ABCA4: variants seen among roughly 807,000 people sequenced by gnomAD.
ABCA4 encodes the protein ATP binding cassette subfamily A member 4.
A neutral mutation model predicts 263.7 loss-of-function variants in ABCA4; 196 were observed. That is an observed-to-expected ratio of 0.74 (90% CI 0.66 to 0.84). The LOEUF (loss-of-function observed/expected upper bound fraction) is 0.84. Among genes scored for constraint, ABCA4 ranks in the 40% least tolerant of loss-of-function variants. The pLI, the probability that ABCA4 is intolerant of heterozygous loss-of-function variation, is 0.00. For missense variants in ABCA4, 2,792 were observed against 2,855.1 expected, an observed-to-expected ratio of 0.98 and a Z score of 0.50; for synonymous variants, 1,133 against 1,094.2, an observed-to-expected ratio of 1.04 and a Z score of -0.70.
intron 47 of ABCA4, 133 bp downstream of exon 47, chr1:94,000,703 G>T: frequency 1.1e-6 from 1 of 925,180 alleles, no homozygotes; most frequent in Non-Finnish European, 1.8e-6. Context: ...GCTGGAGAAT[G>T]AGGCCCAGCC....
At chr1:94,104,226 A>G (rs956147686) in intron 4 of ABCA4, among the ~76,000 whole-genome samples, 2 of 152,206 alleles carry the variant, frequency 1.3e-5, no homozygotes, top group Admixed American at 1.3e-4. Flanking sequence ...GAAGAGCCTT[A>G]TGGGCCTGGA....
intron 6 of ABCA4, among the ~76,000 whole-genome samples, chr1:94,090,264 C>T (rs1302025990): frequency 1.3e-5 from 2 of 151,740 alleles, no homozygotes; most frequent in African/African-American, 4.8e-5. Flanking sequence ...CTAAATTTAA[C>T]AATGAAGTTG....
At chr1:94,086,470 A>C (rs1661830180) in intron 6 of ABCA4, among the ~76,000 whole-genome samples, 1 of 152,222 alleles carries the variant, frequency 6.6e-6, no homozygotes. Flanking sequence ...CTGAAAATTC[A>C]TAATCACTCA....
chr1:94,008,160 G>C, intron 42 of ABCA4, 75 bp downstream of exon 42: 1 of 1,366,440 alleles, frequency 7.3e-7, no homozygotes, highest in South Asian at 1.2e-5. Flanking sequence ...GAATAGCTCT[G>C]CCTTATGGGG....
At chr1:93,999,197 C>T (rs1330148984) in intron 47 of ABCA4, among the ~76,000 whole-genome samples, 2 of 151,514 alleles carry the variant, frequency 1.3e-5, no homozygotes, top group Non-Finnish European at 2.9e-5. Flanking sequence ...AGGTGCATAC[C>T]ACCATGCCCA....
chr1:94,021,169 A>C, intron 35 of ABCA4, 71 bp downstream of exon 35: 5 of 1,603,402 alleles, frequency 3.1e-6, no homozygotes, highest in Non-Finnish European at 4.3e-6. Context: ...GGTGGTGAGA[A>C]TCCTCTCAGG....
chr1:94,065,934 G>A (rs2101083248), intron 11 of ABCA4, among the ~76,000 whole-genome samples: 1 of 152,286 alleles, frequency 6.6e-6, no homozygotes, highest in Admixed American at 6.5e-5. Context: ...TAGAGCTAAG[G>A]GAAATGGAGA....
intron 6 of ABCA4, among the ~76,000 whole-genome samples, chr1:94,091,337 T>A (rs1202458164): frequency 6.6e-6 from 1 of 152,146 alleles, no homozygotes; most frequent in Non-Finnish European, 1.5e-5. Context: ...GAATACTGCC[T>A]AGTCCCGAGG....
chr1:94,095,286 G>C (rs1662093436), intron 6 of ABCA4, among the ~76,000 whole-genome samples: 3 of 151,242 alleles, frequency 2.0e-5, no homozygotes, highest in Admixed American at 2.0e-4. Context: ...TAACCCCAGC[G>C]CCCCCCTCCG....
chr1:94,046,832 A>G (rs1660697786), intron 19 of ABCA4, 87 bp downstream of exon 19: 1 of 1,523,524 alleles, frequency 6.6e-7, no homozygotes, highest in Non-Finnish European at 9.0e-7. Flanking sequence ...AATTTGTGGG[A>G]AAGAGTAGAC....
intron 11 of ABCA4, among the ~76,000 whole-genome samples, chr1:94,067,958 T>A (rs1245280371): frequency 6.6e-6 from 1 of 152,252 alleles, no homozygotes; most frequent in Non-Finnish European, 1.5e-5. Context: ...ACCATTTTTA[T>A]GACTGTTTTT....
chr1:94,003,759 G>A (rs1010905504), intron 44 of ABCA4, among the ~76,000 whole-genome samples: 1 of 152,042 alleles, frequency 6.6e-6, no homozygotes, highest in Non-Finnish European at 1.5e-5. Flanking sequence ...TCAGCCACCT[G>A]AGTAGCTGGG....
intron 6 of ABCA4, among the ~76,000 whole-genome samples, chr1:94,089,604 C>T (rs1179071545): frequency 1.3e-5 from 2 of 152,012 alleles, no homozygotes; most frequent in Non-Finnish European, 2.9e-5. Context: ...GCTGGGACTA[C>T]AGGTGCCCAC....
chr1:94,036,555 T>G (rs1268970180), intron 26 of ABCA4, among the ~76,000 whole-genome samples, 185 bp downstream of exon 26: 1 of 152,038 alleles, frequency 6.6e-6, no homozygotes, highest in Admixed American at 6.6e-5. Flanking sequence ...TTTTGTATTT[T>G]TAGTACAGAT....
At chr1:94,056,507 G>A in intron 15 of ABCA4, 94 bp downstream of exon 15, 2 of 1,343,788 alleles carry the variant, frequency 1.5e-6, no homozygotes, top group South Asian at 1.2e-5. Context: ...AAGGCAAAGT[G>A]GACCCCCTCA....
chr1:94,049,101 G>C lies in ABCA4; in HGVS notation c.2654-144C>G, dbSNP rs1660767366. The C allele has an allele frequency of 5.4e-6, 4 of 736,960 alleles. No homozygotes were observed. The Admixed American group carries it at 8.8e-5, about 16-fold the overall frequency. The allele number at this position is 736,960 out of a possible 1,614,324, so 45.7% of individuals were successfully genotyped here. ...CTAGGACTGTGAGGTACTCAAGCCT[G>C]ATCACACAATCTTTGCCAGAGGAAG... On this transcript the variant is annotated intron_variant, in intron 17 of 49. Transcript: ENST00000370225.
chr1:94,042,946 G>A (rs1295030776), intron 21 of ABCA4, 48 bp from the exon 22 acceptor site: 4 of 1,613,006 alleles, frequency 2.5e-6, no homozygotes, highest in Non-Finnish European at 2.5e-6. Context: ...TGGAGGGTGA[G>A]GAAGAGAAAG....
intron 6 of ABCA4, among the ~76,000 whole-genome samples, chr1:94,093,750 C>T (rs1662039581): frequency 6.6e-6 from 1 of 152,222 alleles, no homozygotes; most frequent in African/African-American, 2.4e-5. Context: ...AGCCAGTAGG[C>T]TCAATGTGCA....
chr1:94,034,076 T>A (rs139343051), intron 26 of ABCA4, among the ~76,000 whole-genome samples: 1 of 152,230 alleles, frequency 6.6e-6, no homozygotes, highest in Non-Finnish European at 1.5e-5. Context: ...TTACTGACTA[T>A]GAGTCACCCC....
Sources: gnomAD v4.1 joint callset for allele counts (sites outside exome capture counted in the v4.1 genomes callset) on GRCh38, gnomAD v4.1.1 for gene constraint, MANE v1.5 for transcripts, NCBI Gene and HGNC (gene_info 2026-07-23, HGNC 2026-07-21) for gene names.